Variants in CCDC178 observed in about 807,000 individuals in gnomAD.
CCDC178 encodes the protein coiled-coil domain-containing protein 178.
CCDC178 carries 126 observed loss-of-function variants against 117.4 expected under a neutral mutation model. That is an observed-to-expected ratio of 1.07 (90% CI 0.93 to 1.24). CCDC178 has a LOEUF of 1.24. Ranked by LOEUF, CCDC178 falls within the 50% of genes most tolerant of loss-of-function variation. CCDC178 has a pLI of 0.00. For missense variants in CCDC178, 1,030 were observed against 986.9 expected (o/e 1.04, Z -0.59); for synonymous variants, 283 against 313.4 (o/e 0.90, Z 1.02).
At chr18:33,424,593 A>G (rs984108056) in intron 2 of CCDC178, among the ~76,000 whole-genome samples, 1 of 152,190 alleles carries the variant, frequency 6.6e-6, no homozygotes, top group East Asian at 1.9e-4. Flanking sequence ...ACTGGCACCC[A>G]CAGAAAGAGA....
chr18:33,278,282 C>CATATATAT (rs36227101), intron 12 of CCDC178, among the ~76,000 whole-genome samples: 5 of 141,394 alleles, frequency 3.5e-5, no homozygotes, highest in African/African-American at 1.0e-4. Flanking sequence ...TACACAAATA[C>CATATATAT]ATATATATAT....
chr18:33,369,975 G>T, intron 6 of CCDC178, 75 bp downstream of exon 6: 1 of 1,233,194 alleles, frequency 8.1e-7, no homozygotes, highest in Non-Finnish European at 1.1e-6. Context: ...GAGTTTCCTG[G>T]GTTCTTTAAA....
intron 20 of CCDC178, among the ~76,000 whole-genome samples, chr18:33,105,446 T>C (rs966703959): frequency 6.6e-6 from 1 of 151,670 alleles, no homozygotes; most frequent in African/African-American, 2.4e-5. Flanking sequence ...TTAATACCAA[T>C]ACTTTCGTGG....
At chr18:33,356,481 G>T in intron 6 of CCDC178, 135 bp from the exon 7 acceptor site, 2 of 939,130 alleles carry the variant, frequency 2.1e-6, no homozygotes, top group Non-Finnish European at 1.4e-6. Context: ...TATACTCTCG[G>T]TTGTATAAAC....
intron 2 of CCDC178, among the ~76,000 whole-genome samples, chr18:33,412,750 G>A (rs1254172549): frequency 6.6e-6 from 1 of 152,078 alleles, no homozygotes; most frequent in South Asian, 2.1e-4. Flanking sequence ...AATTAATGAT[G>A]TCTTAATATC....
intron 21 of CCDC178, among the ~76,000 whole-genome samples, chr18:33,061,338 T>C (rs1231363474): frequency 1.3e-5 from 2 of 152,044 alleles, no homozygotes; most frequent in South Asian, 2.1e-4. Flanking sequence ...CATTGAAGTA[T>C]AAATAAAGAA....
intron 22 of CCDC178, among the ~76,000 whole-genome samples, chr18:32,967,138 T>A (rs1461425741): frequency 1.3e-5 from 2 of 151,806 alleles, no homozygotes; most frequent in African/African-American, 2.4e-5. Context: ...CTATGCTGCC[T>A]TTCTCCCTTA....
chr18:33,013,893 C>T lies in CCDC178; in HGVS notation c.2389-39212G>A, dbSNP rs749960905. ...GACTTATTTTAAAAATTCATGTTTG[C>T]GGAGAAGCAGTTCTAAAATGGTGGA... On this transcript the variant is annotated intron_variant, in intron 21 of 22. Coordinates refer to ENST00000383096, the MANE Select transcript of CCDC178 (RefSeq NM_001105528.4). Among the ~76,000 whole-genome samples, 7 of 152,088 alleles carry T rather than the reference C, an allele frequency of 4.6e-5. No individual in the cohort carries two copies. The East Asian group carries it at 5.8e-4, about 13-fold the overall frequency.
At chr18:33,389,148 A>T (rs1490074897) in intron 5 of CCDC178, among the ~76,000 whole-genome samples, 1 of 152,140 alleles carries the variant, frequency 6.6e-6, no homozygotes, top group Non-Finnish European at 1.5e-5. Context: ...ACTTAAAATA[A>T]AATAAAATAA....
At chr18:33,304,365 G>A (rs749754978) in intron 11 of CCDC178, among the ~76,000 whole-genome samples, 11 of 152,176 alleles carry the variant, frequency 7.2e-5, no homozygotes, top group Non-Finnish European at 1.6e-4. Context: ...TCCACACACT[G>A]TAGGCCTCTC....
At chr18:32,940,119 T>C (rs112737299) in intron 22 of CCDC178, among the ~76,000 whole-genome samples, 5 of 152,146 alleles carry the variant, frequency 3.3e-5, no homozygotes, top group South Asian at 2.1e-4. Flanking sequence ...TCATATTATG[T>C]TTTTAGTATT....
At chr18:33,265,230 T>C (rs936324961) in intron 14 of CCDC178, among the ~76,000 whole-genome samples, 2 of 152,002 alleles carry the variant, frequency 1.3e-5, no homozygotes, top group African/African-American at 2.4e-5. Flanking sequence ...TCAAGTATCA[T>C]GGTCATTTTT....
In CCDC178 at chr18:33,367,930, CAAAG is replaced by C. The variant is rs929514737; in HGVS notation, c.348+2116_348+2119del. ...AAACTCGTATTTATTTATTCATAAACAAAGAATTATCATTATTGAAATTTTTGTC... is the reference window on the plus strand; with the variant it reads ...AAACTCGTATTTATTTATTCATAAACAATTATCATTATTGAAATTTTTGTC... On this transcript the variant is annotated intron_variant, in intron 6 of 22. Coordinates refer to ENST00000383096, the MANE Select transcript of CCDC178 (RefSeq NM_001105528.4). 7.0e-4 allele frequency among the ~76,000 whole-genome samples: 106 copies of C among 152,034 alleles called. 1 individual carries two copies. Among genetic ancestry groups the C allele is most frequent in the African/African-American group, 2.5e-3 (104 of 41,500 alleles).
intron 20 of CCDC178, among the ~76,000 whole-genome samples, chr18:33,147,573 T>G (rs1180175680): frequency 6.6e-6 from 1 of 151,610 alleles, no homozygotes; most frequent in African/African-American, 2.4e-5. Context: ...TGATGACTCC[T>G]AACGAGCATG....
chr18:33,070,746 G>A (rs2057094074), intron 21 of CCDC178, among the ~76,000 whole-genome samples: 1 of 151,946 alleles, frequency 6.6e-6, no homozygotes. Flanking sequence ...ATTACACACT[G>A]TATACATGTA....
At chr18:33,070,495 G>A (rs1037240112) in intron 21 of CCDC178, among the ~76,000 whole-genome samples, 3 of 151,596 alleles carry the variant, frequency 2.0e-5, no homozygotes, top group African/African-American at 7.3e-5. Flanking sequence ...AGAGCAGAAT[G>A]ATGGTTACTA....
At chr18:33,384,228 C>T (rs2144804327) in intron 5 of CCDC178, among the ~76,000 whole-genome samples, 1 of 152,276 alleles carries the variant, frequency 6.6e-6, no homozygotes. Context: ...GAGACCAAAT[C>T]TATGACTGAT....
At chr18:33,346,478 G>T (rs2062895880) in intron 8 of CCDC178, 67 bp from the exon 9 acceptor site, 1 of 810,212 alleles carries the variant, frequency 1.2e-6, no homozygotes, top group Non-Finnish European at 1.9e-6. Flanking sequence ...TGGGAACATG[G>T]GCCTTAGTTG....
rs73421404 is a variant in CCDC178, at chr18:33,193,332, G to A, written c.2238+18564C>T. 7.7e-3 allele frequency among the ~76,000 whole-genome samples: 1,172 copies of A among 151,334 alleles called. 12 individuals carry two copies. The highest frequency in any genetic ancestry group is 0.026 in the African/African-American group (1,091 of 41,264). On this transcript the variant is annotated intron_variant, in intron 20 of 22. Transcript: ENST00000383096. ...AAGAGGTCTGAGGAAGCCTTTGAGG[G>A]GGCAGCCATTGAGCAAGGATGTGGC...
Sources: gnomAD v4.1 joint callset for allele counts (sites outside exome capture counted in the v4.1 genomes callset) on GRCh38, gnomAD v4.1.1 for gene constraint, MANE v1.5 for transcripts, NCBI Gene and HGNC (gene_info 2026-07-23, HGNC 2026-07-21) for gene names.